Variants in ARHGAP6 observed in about 807,000 individuals in gnomAD.
ARHGAP6 encodes rho GTPase-activating protein 6.
A neutral mutation model predicts 55.7 loss-of-function variants in ARHGAP6; 16 were observed. The observed-to-expected ratio is 0.29, with a 90% confidence interval of 0.19 to 0.44. The LOEUF is 0.44. ARHGAP6 is among the 20% of genes least tolerant of loss of function. The pLI is 1.00. For synonymous variants in ARHGAP6, 382 were observed against 360.9 expected, an observed-to-expected ratio of 1.06 and a Z score of -0.66; for missense variants, 698 against 808.9, an observed-to-expected ratio of 0.86 and a Z score of 1.66.
rs1036330808 is a variant in ARHGAP6 at position 11,397,970 on chromosome X, G to C, written c.589-143263C>G. On this transcript the variant is annotated intron_variant, in intron 1 of 12. Coordinates refer to ENST00000337414, the MANE Select transcript of ARHGAP6 (RefSeq NM_013427.3). ...AACCTAGAATGATGTCAGACCAACA[G>C]ATTCCCCACATTGATAGTAACTAAT... is the stretch of plus-strand genomic sequence containing the variant. Among the ~76,000 whole-genome samples the C allele has an allele frequency of 2.7e-5, 3 of 111,729 alleles. No homozygotes were observed. The South Asian group carries it at 1.1e-3, about 42-fold the overall frequency.
chrX:11,610,540 T>C (rs1484048051), intron 1 of ARHGAP6, among the ~76,000 whole-genome samples: 3 of 112,058 alleles, frequency 2.7e-5, no homozygotes, highest in African/African-American at 9.7e-5. Flanking sequence ...CCCATGGTAA[T>C]GATGCTTGCT....
At chrX:11,452,558 A>G (rs1480981914) in intron 1 of ARHGAP6, among the ~76,000 whole-genome samples, 1 of 112,474 alleles carries the variant, frequency 8.9e-6, no homozygotes, top group East Asian at 2.8e-4. Flanking sequence ...CTAAGATCAT[A>G]CAAAAGTGAG....
chrX:11,300,577 T>C (rs1443145232), intron 1 of ARHGAP6: 1 of 1,153,402 alleles, frequency 8.7e-7, no homozygotes, highest in African/African-American at 1.8e-5. Flanking sequence ...TTGTAAATTA[T>C]TTTAACTGTT....
chrX:11,418,670 T>C (rs1181355203), intron 1 of ARHGAP6, among the ~76,000 whole-genome samples: 4 of 111,997 alleles, frequency 3.6e-5, no homozygotes, highest in Non-Finnish European at 1.9e-5. Flanking sequence ...ACGTAGAATA[T>C]ATCACTCTCT....
intron 1 of ARHGAP6, among the ~76,000 whole-genome samples, chrX:11,491,665 A>G (rs1357008092): frequency 8.9e-6 from 1 of 111,908 alleles, no homozygotes; most frequent in Non-Finnish European, 1.9e-5. Context: ...ATAGAGCTGC[A>G]ATAAACATAT....
At chrX:11,212,214 T>C (rs1348268931) in intron 2 of ARHGAP6, among the ~76,000 whole-genome samples, 3 of 112,131 alleles carry the variant, frequency 2.7e-5, no homozygotes, top group Non-Finnish European at 3.8e-5. Context: ...TTGGGAGTAA[T>C]GTTCTTTGGT....
At chrX:11,664,152 C>T in intron 1 of ARHGAP6, 89 bp downstream of exon 1, 1 of 908,974 alleles carries the variant, frequency 1.1e-6, no homozygotes, top group Non-Finnish European at 1.5e-6. Context: ...GTGCCTTGCT[C>T]TGTAAATGTA....
chrX:11,219,021 T>A (rs1216712292), intron 2 of ARHGAP6, among the ~76,000 whole-genome samples: 15 of 95,189 alleles, frequency 1.6e-4, no homozygotes, highest in African/African-American at 5.0e-4. Flanking sequence ...ATATCTCCCA[T>A]TGCTATCCCT....
chrX:11,304,777 C>CTTTTTTTTTTTTTTTTTTT lies in ARHGAP6; in HGVS notation c.589-50089_589-50071dup, dbSNP rs953912280. Among the ~76,000 whole-genome samples, 10 of 50,310 alleles carry CTTTTTTTTTTTTTTTTTTT rather than the reference C, an allele frequency of 2.0e-4. 3 individuals are homozygous for CTTTTTTTTTTTTTTTTTTT. The highest frequency in any genetic ancestry group is 7.8e-4 in the African/African-American group (9 of 11,568). 43.7% of individuals were successfully genotyped at this position (50,310 alleles called of 115,157 possible). On this transcript the variant is annotated intron_variant, in intron 1 of 12. Coordinates refer to ENST00000337414, the MANE Select transcript of ARHGAP6 (RefSeq NM_013427.3). ...AAGGATTTCATTTTTCTTTCTTTTA[C>CTTTTTTTTTTTTTTTTTTT]TTTTTTTTTTTTTTTTTTTTTTTTT... is the stretch of plus-strand genomic sequence containing the variant.
At chrX:11,409,177 T>C (rs1464826563) in intron 1 of ARHGAP6, among the ~76,000 whole-genome samples, 1 of 112,086 alleles carries the variant, frequency 8.9e-6, no homozygotes, top group Non-Finnish European at 1.9e-5. Context: ...AACTATTCCT[T>C]CTTTTCTATA....
intron 2 of ARHGAP6, among the ~76,000 whole-genome samples, chrX:11,201,986 G>GGTGT (rs1360349395): frequency 6.0e-5 from 2 of 33,564 alleles, no homozygotes; most frequent in East Asian, 3.6e-3. Flanking sequence ...TGAGCATCTG[G>GGTGT]ATCTGTGTGT....
At chrX:11,357,302 A>G (rs1293836497) in intron 1 of ARHGAP6, among the ~76,000 whole-genome samples, 2 of 112,225 alleles carry the variant, frequency 1.8e-5, no homozygotes, top group Non-Finnish European at 3.8e-5. Context: ...TGACAGGCTC[A>G]TACACAAAGC....
chrX:11,591,056 G>A lies in ARHGAP6; in HGVS notation c.588+73185C>T, dbSNP rs746169069. Among the ~76,000 whole-genome samples the A allele has an allele frequency of 1.7e-4, 18 of 108,640 alleles. No homozygotes were observed. The South Asian group carries it at 6.8e-3, about 41-fold the overall frequency. 94.3% of individuals were successfully genotyped at this position (108,640 alleles called of 115,157 possible). A position where few individuals can be genotyped will look rare whatever the true frequency, so the allele number is the denominator to read the frequency against. On this transcript the variant is annotated intron_variant, in intron 1 of 12. Coordinates refer to ENST00000337414, the MANE Select transcript of ARHGAP6 (RefSeq NM_013427.3). ...AAAATACAAAAATTAGCCGGGCGTG[G>A]TGGCGGGCGCCTGTAGTCCCAGCTA... is the stretch of plus-strand genomic sequence containing the variant.
intron 1 of ARHGAP6, among the ~76,000 whole-genome samples, chrX:11,451,053 C>T (rs1272141996): frequency 9.0e-6 from 1 of 111,336 alleles, no homozygotes; most frequent in Non-Finnish European, 1.9e-5. Flanking sequence ...GCATAGCTTG[C>T]CCAGGGATGC....
chrX:11,261,268 G>A (rs1269633203), intron 1 of ARHGAP6, among the ~76,000 whole-genome samples: 4 of 111,328 alleles, frequency 3.6e-5, no homozygotes, highest in African/African-American at 9.8e-5. Flanking sequence ...GAGTTAATCC[G>A]TGATACCTAT....
intron 1 of ARHGAP6, among the ~76,000 whole-genome samples, chrX:11,376,111 A>G (rs2049197342): frequency 8.9e-6 from 1 of 111,887 alleles, no homozygotes. Context: ...AGAAAATAAC[A>G]AGATGATCAT....
intron 1 of ARHGAP6, among the ~76,000 whole-genome samples, chrX:11,573,459 T>A (rs1465048274): frequency 9.0e-6 from 1 of 110,520 alleles, no homozygotes; most frequent in East Asian, 2.8e-4. Flanking sequence ...TCCCCGTTGC[T>A]TGTTTTTGTC....
chrX:11,369,120 C>T (rs2049115908), intron 1 of ARHGAP6, among the ~76,000 whole-genome samples: 2 of 111,667 alleles, frequency 1.8e-5, no homozygotes, highest in African/African-American at 3.3e-5. Context: ...ATGTGCATTT[C>T]AGAAGCTGGA....
intron 1 of ARHGAP6, among the ~76,000 whole-genome samples, chrX:11,394,324 T>C (rs1453839595): frequency 1.8e-5 from 2 of 111,544 alleles, no homozygotes; most frequent in African/African-American, 3.3e-5. Flanking sequence ...GAAATGTCCA[T>C]AGAAGGCAAA....
Sources: allele counts gnomAD v4.1 joint callset (sites outside exome capture counted in the v4.1 genomes callset), GRCh38; gene constraint gnomAD v4.1.1; transcripts MANE v1.5; gene names NCBI Gene and HGNC (gene_info 2026-07-23, HGNC 2026-07-21).